Variants in KMT2E observed in about 807,000 individuals in gnomAD.
KMT2E encodes the protein lysine methyltransferase 2E (inactive), also known as histone reader KMT2E.
A neutral mutation model predicts 184.6 loss-of-function variants in KMT2E; 30 were observed. The ratio of observed to expected loss-of-function variants is 0.16; its 90% CI spans 0.12 to 0.22. The LOEUF is 0.22. KMT2E is among the 10% of genes least tolerant of loss of function. The pLI, the probability that KMT2E is intolerant of heterozygous loss-of-function variation, is 1.00. For synonymous variants in KMT2E, 815 were observed against 776.5 expected, an observed-to-expected ratio of 1.05 and a Z score of -0.82; for missense variants, 2,023 against 2,237.4, an observed-to-expected ratio of 0.90 and a Z score of 1.93.
intron 6 of KMT2E, among the ~76,000 whole-genome samples, chr7:105,073,016 A>G (rs894365818): frequency 2.7e-5 from 4 of 148,940 alleles, no homozygotes. Flanking sequence ...TAAGAAATTT[A>G]ATTTATGATT....
rs539044323 is a variant in KMT2E at position 105,113,681 on chromosome 7, G to A, written c.*348G>A. 6.0e-4 allele frequency: 108 copies of A among 180,576 alleles called. No individual in the cohort carries two copies. The highest frequency in any genetic ancestry group is 2.9e-3 in the South Asian group (16 of 5,482). The allele number at this position is 180,576 out of a possible 1,614,324, so 11.2% of individuals were successfully genotyped here. On this transcript the variant is annotated 3_prime_UTR_variant, in exon 27 of 27. Coordinates refer to ENST00000311117, the MANE Select transcript of KMT2E (RefSeq NM_182931.3). The stretch of plus-strand genomic sequence containing the variant: ...CACATTAAGTACTCAGCTAAGTAAT[G>A]GCACTATGAGGATTTTTTTTTTCTT...
Position 105,112,939 on chromosome 7 carries a change from C to T in KMT2E, c.5183C>T (p.Ala1728Val), listed in dbSNP as rs755554606. ...PPPPPPSSVLASGHHTTSAQA... is the reference protein window; with the variant it reads ...PPPPPPSSVLVSGHHTTSAQA... ...CCGCCGCCACCTTCCAGTGTTTTGG[C>T]TTCTGGGCATCATACCACATCAGCT... The change falls in exon 27 of 27, where the codon GCT (alanine) becomes GTT (valine). Residue 1728 changes from alanine to valine, a missense_variant. Ala to Val is a moderately conservative substitution (Grantham distance 64). Transcript: ENST00000311117. The T allele has an allele frequency of 1.1e-5, 18 of 1,613,824 alleles. No individual in the cohort carries two copies. The highest frequency in any genetic ancestry group is 1.5e-5 in the Non-Finnish European group (18 of 1,179,984).
Position 105,080,490 on chromosome 7 carries a change from C to T in KMT2E, c.1249-1198C>T, listed in dbSNP as rs540077875. On this transcript the variant is annotated intron_variant, in intron 12 of 26. Coordinates refer to ENST00000311117, the MANE Select transcript of KMT2E (RefSeq NM_182931.3). ...GCTCAAGTGTTTGTTCTGCTTCAGC[C>T]GCCAGAGTAGCTGGGATTATAGGCA... Among the ~76,000 whole-genome samples the T allele has an allele frequency of 1.4e-3, 216 of 151,892 alleles. 1 individual carries two copies. The highest frequency in any genetic ancestry group is 4.3e-3 in the African/African-American group (180 of 41,428).
intron 25 of KMT2E, 73 bp downstream of exon 25, chr7:105,110,675 GTTGGT>G (rs1799194125): frequency 5.6e-6 from 9 of 1,603,760 alleles, no homozygotes; most frequent in Non-Finnish European, 7.7e-6. Context: ...TTTATAAAAA[GTTGGT>G]TTGGATAGTA....
chr7:105,094,120 CT>C (rs1300947864), intron 15 of KMT2E, among the ~76,000 whole-genome samples: 1 of 152,138 alleles, frequency 6.6e-6, no homozygotes, highest in African/African-American at 2.4e-5. Context: ...CCTAGGATTC[CT>C]AAGCAATTAG....
chr7:105,074,756 A>C lies in KMT2E; in HGVS notation c.670A>C (p.Asn224His), dbSNP rs2129567977. Residue 224 changes from asparagine (N) to histidine (H), a missense_variant, in exon 8 of 27, where the codon AAT (asparagine) becomes CAT (histidine). Coordinates refer to ENST00000311117, the MANE Select transcript of KMT2E (RefSeq NM_182931.3). Reference protein sequence around the residue: ...TLTASRVSKVNDKRRKKSGEK... With the variant: ...TLTASRVSKVHDKRRKKSGEK... ...AACTGCTTCAAGAGTTTCCAAAGTT[A>C]ATGATAAAAGAAGGAAAAAAAGCGG... 1 of 1,610,446 alleles carries C rather than the reference A, an allele frequency of 6.2e-7. No individual in the cohort carries two copies. Among genetic ancestry groups the C allele is most frequent in the Middle Eastern group, 1.7e-4 (1 of 6,032 alleles).
intron 3 of KMT2E, among the ~76,000 whole-genome samples, chr7:105,052,586 T>C (rs1338730983): frequency 6.6e-6 from 1 of 151,888 alleles, no homozygotes; most frequent in Non-Finnish European, 1.5e-5. Context: ...TGAGAAGGAG[T>C]CTCACTCTGT....
chr7:105,073,042 CATT>C (rs1415348285), intron 6 of KMT2E, among the ~76,000 whole-genome samples: 3 of 150,178 alleles, frequency 2.0e-5, no homozygotes, highest in South Asian at 4.2e-4. Context: ...TACATGTTAA[CATT>C]ATGGGTTTTT....
chr7:105,106,788 G>A lies in KMT2E; in HGVS notation c.2847+16G>A, dbSNP rs1346955918. The stretch of plus-strand genomic sequence containing the variant: ...GCACTTTGAGGTGAGAAATTTTAAT[G>A]GAGAAAAAAAAATTCAACACTTGGG... On this transcript the variant is annotated intron_variant, in intron 20 of 26. Transcript: ENST00000311117. The A allele has an allele frequency of 1.2e-6, 2 of 1,600,204 alleles. No homozygotes were observed. The highest frequency in any genetic ancestry group is 1.4e-5 in the African/African-American group (1 of 74,012).
chr7:105,071,056 T>C (rs1259170960), intron 6 of KMT2E, among the ~76,000 whole-genome samples: 2 of 152,196 alleles, frequency 1.3e-5, no homozygotes, highest in Non-Finnish European at 2.9e-5. Context: ...TATCTATATA[T>C]TTGTATTTCC....
chr7:105,061,096 C>G lies in KMT2E; in HGVS notation c.72-1068C>G, dbSNP rs75446725. Among the ~76,000 whole-genome samples the G allele has an allele frequency of 3.0e-3, 455 of 152,192 alleles. 15 individuals carry two copies. The East Asian group carries it at 0.062, about 21-fold the overall frequency. On this transcript the variant is annotated intron_variant, in intron 3 of 26. Transcript: ENST00000311117. ...TTTGTATCTCCTCTTTTTGCTGATT[C>G]TGGCACACAGCGCTTACAACAGCAG...
chr7:105,055,432 G>A (rs1796539939), intron 3 of KMT2E, among the ~76,000 whole-genome samples: 1 of 151,912 alleles, frequency 6.6e-6, no homozygotes, highest in Non-Finnish European at 1.5e-5. Flanking sequence ...ACTAGTCCTT[G>A]TCTATTCTCA....
intron 1 of KMT2E, among the ~76,000 whole-genome samples, chr7:105,021,857 G>A (rs1794969625): frequency 6.6e-6 from 1 of 151,882 alleles, no homozygotes; most frequent in South Asian, 2.1e-4. Context: ...CACATGATGA[G>A]GAATGCTAAA....
At chr7:105,080,378 A>G (rs1797713998) in intron 12 of KMT2E, among the ~76,000 whole-genome samples, 2 of 151,688 alleles carry the variant, frequency 1.3e-5, no homozygotes, top group Non-Finnish European at 2.9e-5. Flanking sequence ...GCAGCCAAGA[A>G]TGTAGGTGTT....
intron 1 of KMT2E, among the ~76,000 whole-genome samples, chr7:105,026,325 G>C (rs572837439): frequency 6.6e-6 from 1 of 152,138 alleles, no homozygotes; most frequent in East Asian, 1.9e-4. Context: ...TGAAATAAGA[G>C]ATTTCAAGTG....
At chr7:105,019,435 A>T (rs1016659454) in intron 1 of KMT2E, among the ~76,000 whole-genome samples, 1 of 152,200 alleles carries the variant, frequency 6.6e-6, no homozygotes, top group South Asian at 2.1e-4. Context: ...TACCAAAACT[A>T]TTTAAGCTTT....
chr7:105,074,434 T>C (rs1283695808), intron 7 of KMT2E, among the ~76,000 whole-genome samples: 1 of 152,226 alleles, frequency 6.6e-6, no homozygotes, highest in African/African-American at 2.4e-5. Context: ...GAGTGTGTTA[T>C]CAGGCTTTTG....
intron 3 of KMT2E, among the ~76,000 whole-genome samples, chr7:105,043,943 T>A (rs1456581421): frequency 1.3e-5 from 2 of 151,904 alleles, no homozygotes; most frequent in South Asian, 2.1e-4. Flanking sequence ...AAAAATTTTT[T>A]AAAAATTAGC....
chr7:105,087,147 A>G (rs1436271855), intron 13 of KMT2E, among the ~76,000 whole-genome samples: 4 of 147,476 alleles, frequency 2.7e-5, no homozygotes, highest in South Asian at 2.1e-4. Context: ...TATATATGCT[A>G]GGTCATGCGG....
Sources: allele counts gnomAD v4.1 joint callset (sites outside exome capture counted in the v4.1 genomes callset), GRCh38; gene constraint gnomAD v4.1.1; transcripts MANE v1.5; gene names NCBI Gene and HGNC (gene_info 2026-07-23, HGNC 2026-07-21).